Variants in ADAMTSL1 observed in about 807,000 individuals in gnomAD.
ADAMTSL1 encodes ADAMTS-like protein 1.
A neutral mutation model predicts 201.8 loss-of-function variants in ADAMTSL1; 126 were observed. The observed-to-expected ratio is 0.62, with a 90% CI of 0.54 to 0.72. The LOEUF is 0.72. Among genes scored for constraint, ADAMTSL1 ranks in the 30% least tolerant of loss-of-function variants. The pLI is 0.00. For missense variants in ADAMTSL1, 2,679 were observed against 2,277.8 expected, an observed-to-expected ratio of 1.18 and a Z score of -3.59; for synonymous variants, 1,121 against 903.4, an observed-to-expected ratio of 1.24 and a Z score of -4.32.
intron 2 of ADAMTSL1, among the ~76,000 whole-genome samples, chr9:18,322,946 G>A (rs1834686111): frequency 6.6e-6 from 1 of 152,136 alleles, no homozygotes; most frequent in African/African-American, 2.4e-5. Flanking sequence ...TTAGACTAGT[G>A]AGTTCTATGA....
intron 2 of ADAMTSL1, among the ~76,000 whole-genome samples, chr9:18,296,061 A>C (rs1470185936): frequency 1.3e-5 from 2 of 152,356 alleles, no homozygotes; most frequent in East Asian, 3.9e-4. Context: ...CTTGCATCTA[A>C]ACAAGCCTTT....
At chr9:18,708,447 T>A (rs188537055) in intron 14 of ADAMTSL1, among the ~76,000 whole-genome samples, 2 of 152,336 alleles carry the variant, frequency 1.3e-5, no homozygotes, top group East Asian at 3.9e-4. Context: ...GACAGTTTCC[T>A]GGAACTCAGT....
intron 2 of ADAMTSL1, among the ~76,000 whole-genome samples, chr9:18,200,083 A>C (rs1829373587): frequency 6.6e-6 from 1 of 152,026 alleles, no homozygotes; most frequent in African/African-American, 2.4e-5. Flanking sequence ...GAGGAACCCA[A>C]AATAAAACAA....
At chr9:18,563,971 G>C (rs1481837289) in intron 3 of ADAMTSL1, among the ~76,000 whole-genome samples, 2 of 152,172 alleles carry the variant, frequency 1.3e-5, no homozygotes, top group Non-Finnish European at 2.9e-5. Context: ...CATCCGCTAA[G>C]CTAGACCACT....
At chr9:18,657,805 G>C in intron 8 of ADAMTSL1, 55 bp downstream of exon 8, 1 of 1,424,958 alleles carries the variant, frequency 7.0e-7, no homozygotes, top group East Asian at 2.3e-5. Flanking sequence ...AAATACTTGG[G>C]TATTATAAGA....
At chr9:18,700,357 T>C (rs1218343443) in intron 13 of ADAMTSL1, among the ~76,000 whole-genome samples, 2 of 152,178 alleles carry the variant, frequency 1.3e-5, no homozygotes, top group Non-Finnish European at 2.9e-5. Flanking sequence ...AAAGAGTTTT[T>C]ACACGAGATC....
chr9:18,717,774 G>A (rs1833045058), intron 14 of ADAMTSL1, among the ~76,000 whole-genome samples: 1 of 152,170 alleles, frequency 6.6e-6, no homozygotes, highest in African/African-American at 2.4e-5. Flanking sequence ...TATTATATAA[G>A]TAAAAATCTC....
Position 18,204,976 on chromosome 9 carries a change from T to C in ADAMTSL1, c.207+40995T>C, listed in dbSNP as rs553895105. Reference sequence around the variant, plus strand: ...GAGTTGGGCATTACAACAGACAAAATGCCACCAGTGCTATCATACCAAAAT... The same window carrying C: ...GAGTTGGGCATTACAACAGACAAAACGCCACCAGTGCTATCATACCAAAAT... On this transcript the variant is annotated intron_variant, in intron 2 of 29. Transcript: ENST00000680146. Among the ~76,000 whole-genome samples, 8 of 152,278 alleles carry C rather than the reference T, an allele frequency of 5.3e-5. No individual in the cohort carries two copies. The East Asian group carries it at 1.2e-3, about 22-fold the overall frequency.
chr9:18,471,065 G>A (rs1162574549), upstream of ADAMTSL1, among the ~76,000 whole-genome samples: 1 of 152,160 alleles, frequency 6.6e-6, no homozygotes, highest in East Asian at 1.9e-4. Flanking sequence ...ATTACCTAAA[G>A]TTTTACATTA....
intron 1 of ADAMTSL1, among the ~76,000 whole-genome samples, chr9:18,482,932 C>T (rs7020916): frequency 0.025 from 3,760 of 152,280 alleles, 147 homozygotes; most frequent in African/African-American, 0.087. Context: ...ATATACTACA[C>T]ACTTTTAGTT....
At chr9:18,541,237 G>T (rs1332573166) in intron 3 of ADAMTSL1, among the ~76,000 whole-genome samples, 6 of 152,182 alleles carry the variant, frequency 3.9e-5, no homozygotes, top group African/African-American at 1.4e-4. Context: ...AGTGGCAGGC[G>T]CAGTGGCTCA....
chr9:18,370,324 A>G (rs1381007825), intron 2 of ADAMTSL1, among the ~76,000 whole-genome samples: 6 of 152,108 alleles, frequency 3.9e-5, no homozygotes, highest in Middle Eastern at 3.4e-3. Flanking sequence ...GGGGAGGAGA[A>G]TGGATGAGGG....
intron 1 of ADAMTSL1, among the ~76,000 whole-genome samples, chr9:17,959,220 A>G (rs1817624562): frequency 2.0e-5 from 3 of 152,264 alleles, no homozygotes; most frequent in African/African-American, 2.4e-5. Flanking sequence ...ATTTGGCTGA[A>G]CAGCATTTAG....
At chr9:18,689,806 G>A (rs899273679) in intron 13 of ADAMTSL1, among the ~76,000 whole-genome samples, 1 of 152,196 alleles carries the variant, frequency 6.6e-6, no homozygotes, top group African/African-American at 2.4e-5. Flanking sequence ...AAGCCTTAAT[G>A]ATGCCATTTT....
intron 1 of ADAMTSL1, among the ~76,000 whole-genome samples, chr9:18,481,987 C>T (rs1349530309): frequency 6.6e-6 from 1 of 152,180 alleles, no homozygotes; most frequent in South Asian, 2.1e-4. Flanking sequence ...TGGCAACAAC[C>T]AAAATCCACG....
intron 2 of ADAMTSL1, among the ~76,000 whole-genome samples, chr9:18,233,714 C>T (rs369295403): frequency 1.3e-3 from 193 of 152,242 alleles, no homozygotes; most frequent in African/African-American, 4.3e-3. Flanking sequence ...TCCCTAAAGG[C>T]TGAGAAGAAG....
At chr9:18,588,904 C>CATATACAT in intron 4 of ADAMTSL1, among the ~76,000 whole-genome samples, 1 of 124,614 alleles carries the variant, frequency 8.0e-6, no homozygotes, top group Non-Finnish European at 1.7e-5. Flanking sequence ...TATATATATA[C>CATATACAT]ATATATATAC....
intron 1 of ADAMTSL1, among the ~76,000 whole-genome samples, chr9:17,940,726 A>G (rs200564023): frequency 1.6e-4 from 20 of 126,078 alleles, no homozygotes; most frequent in Non-Finnish European, 2.4e-4. Context: ...AAAAAAAAAA[A>G]AGAAAAAAAA....
intron 23 of ADAMTSL1, among the ~76,000 whole-genome samples, chr9:18,861,803 C>G (rs904189172): frequency 6.6e-6 from 1 of 152,112 alleles, no homozygotes; most frequent in Non-Finnish European, 1.5e-5. Flanking sequence ...GCGAGCCAGC[C>G]AGATCCTTTC....
Sources: gnomAD v4.1 joint callset for allele counts (sites outside exome capture counted in the v4.1 genomes callset) on GRCh38, gnomAD v4.1.1 for gene constraint, MANE v1.5 for transcripts, NCBI Gene and HGNC (gene_info 2026-07-23, HGNC 2026-07-21) for gene names.